GALNTL6: variants seen among roughly 807,000 people sequenced by gnomAD.
GALNTL6 encodes polypeptide N-acetylgalactosaminyltransferase-like 6.
A neutral mutation model predicts 73.7 loss-of-function variants in GALNTL6; 46 were observed. The ratio of observed to expected loss-of-function variants is 0.62; its 90% CI spans 0.49 to 0.80. GALNTL6 has a LOEUF of 0.80. GALNTL6 is among the 30% of genes least tolerant of loss of function. The probability of loss-of-function intolerance (pLI) is 0.00; values close to 1 mark genes in which losing one functional copy is unlikely to be tolerated. For synonymous variants in GALNTL6, 259 were observed against 263.7 expected (o/e 0.98, Z 0.17); for missense variants, 604 against 755.0 (o/e 0.80, Z 2.34).
intron 5 of GALNTL6, among the ~76,000 whole-genome samples, chr4:172,601,902 A>G (rs1009243306): frequency 2.6e-5 from 4 of 152,136 alleles, no homozygotes; most frequent in Non-Finnish European, 5.9e-5. Context: ...CAAATATGAT[A>G]AGCACAAAGA....
rs189085879 is a variant in GALNTL6 at position 172,518,053 on chromosome 4, A to G, written c.553+169364A>G. ...TCAATGTCACATATTCTGCCCCAGTATGCTCACAAAGGCTTTTAAGACTAT... is the reference window on the plus strand; with the variant it reads ...TCAATGTCACATATTCTGCCCCAGTGTGCTCACAAAGGCTTTTAAGACTAT... On this transcript the variant is annotated intron_variant, in intron 5 of 12. Transcript: ENST00000506823. Among the ~76,000 whole-genome samples, 131 of 152,054 alleles carry G rather than the reference A, an allele frequency of 8.6e-4. 3 individuals carry two copies. In the South Asian group the frequency reaches 0.017, roughly 20 times the overall value.
At chr4:172,425,488 A>G (rs187071686) in intron 5 of GALNTL6, among the ~76,000 whole-genome samples, 3 of 152,208 alleles carry the variant, frequency 2.0e-5, no homozygotes, top group Admixed American at 2.0e-4. Context: ...ATATCTTACC[A>G]AAGTACACAC....
At chr4:172,165,854 T>C (rs1473562419) in intron 2 of GALNTL6, among the ~76,000 whole-genome samples, 1 of 152,148 alleles carries the variant, frequency 6.6e-6, no homozygotes, top group Non-Finnish European at 1.5e-5. Context: ...TGCTGCTTCA[T>C]AGGAGTGATC....
intron 2 of GALNTL6, among the ~76,000 whole-genome samples, chr4:172,098,364 GA>G (rs1732417318): frequency 6.6e-6 from 1 of 152,026 alleles, no homozygotes; most frequent in Admixed American, 6.6e-5. Context: ...TGGTGGTATG[GA>G]AAAGAATTAC....
intron 3 of GALNTL6, among the ~76,000 whole-genome samples, chr4:172,304,693 A>G (rs1300744161): frequency 2.0e-5 from 3 of 152,156 alleles, no homozygotes; most frequent in Admixed American, 1.3e-4. Context: ...TCCCCCGGAC[A>G]TAAACCTACT....
intron 5 of GALNTL6, among the ~76,000 whole-genome samples, chr4:172,616,625 G>C (rs1183575165): frequency 7.0e-6 from 1 of 142,662 alleles, no homozygotes; most frequent in African/African-American, 2.7e-5. Context: ...AGTGGGAAAA[G>C]AAGGCTTGGT....
At chr4:172,538,749 G>C (rs531616753) in intron 5 of GALNTL6, among the ~76,000 whole-genome samples, 1 of 152,084 alleles carries the variant, frequency 6.6e-6, no homozygotes, top group Admixed American at 6.5e-5. Flanking sequence ...TCTAAGAATG[G>C]GACTAAAAAT....
intron 5 of GALNTL6, among the ~76,000 whole-genome samples, chr4:172,708,285 T>G (rs1734487362): frequency 6.6e-6 from 1 of 152,194 alleles, no homozygotes; most frequent in South Asian, 2.1e-4. Context: ...CTCAAACCCC[T>G]GACCTCAAGT....
intron 5 of GALNTL6, among the ~76,000 whole-genome samples, chr4:172,731,491 A>T (rs568195893): frequency 6.6e-5 from 10 of 151,944 alleles, no homozygotes; most frequent in Middle Eastern, 3.2e-3. Context: ...TATCTTTTTT[A>T]AAAAACAACC....
At chr4:172,576,539 T>C (rs1260633392) in intron 5 of GALNTL6, among the ~76,000 whole-genome samples, 1 of 152,172 alleles carries the variant, frequency 6.6e-6, no homozygotes, top group Admixed American at 6.5e-5. Flanking sequence ...TCCTGTCTTT[T>C]GCCATTTGTT....
chr4:172,941,082 G>C (rs966923146), intron 9 of GALNTL6, among the ~76,000 whole-genome samples: 2 of 152,098 alleles, frequency 1.3e-5, no homozygotes, highest in African/African-American at 4.8e-5. Flanking sequence ...AAGGAATTTT[G>C]CTTAATTTAA....
chr4:172,840,635 C>T (rs899195377), intron 7 of GALNTL6, among the ~76,000 whole-genome samples: 3 of 152,202 alleles, frequency 2.0e-5, no homozygotes, highest in Admixed American at 6.5e-5. Flanking sequence ...AATGAACAGG[C>T]TTAGAGTTCA....
intron 5 of GALNTL6, among the ~76,000 whole-genome samples, chr4:172,752,705 A>T (rs1000654749): frequency 9.2e-5 from 14 of 152,272 alleles, no homozygotes; most frequent in African/African-American, 3.1e-4. Flanking sequence ...TGAAGATTTT[A>T]AAAAATAATT....
intron 5 of GALNTL6, among the ~76,000 whole-genome samples, chr4:172,518,067 T>A (rs1403822347): frequency 3.3e-5 from 5 of 151,986 alleles, no homozygotes; most frequent in Non-Finnish European, 7.4e-5. Flanking sequence ...TCACAAAGGC[T>A]TTTAAGACTA....
intron 2 of GALNTL6, among the ~76,000 whole-genome samples, chr4:172,027,975 A>C (rs1453471787): frequency 2.0e-5 from 3 of 152,120 alleles, no homozygotes; most frequent in Non-Finnish European, 4.4e-5. Flanking sequence ...GAAAAGTGCA[A>C]AGTATAGCGG....
At chr4:171,836,183 T>C (rs113937338) in intron 2 of GALNTL6, among the ~76,000 whole-genome samples, 17 of 152,078 alleles carry the variant, frequency 1.1e-4, no homozygotes, top group African/African-American at 4.1e-4. Flanking sequence ...GAAAATGGGG[T>C]TGGGCTAGAT....
chr4:172,265,890 G>GA (rs995241361), intron 3 of GALNTL6, among the ~76,000 whole-genome samples: 7 of 150,550 alleles, frequency 4.6e-5, no homozygotes, highest in African/African-American at 1.5e-4. Flanking sequence ...CTCAAAACTG[G>GA]AAAAAAAAAG....
chr4:171,950,380 T>A (rs182887575), intron 2 of GALNTL6, among the ~76,000 whole-genome samples: 1 of 151,922 alleles, frequency 6.6e-6, no homozygotes, highest in East Asian at 1.9e-4. Context: ...AGAGAAAACA[T>A]CAACCTTATA....
At chr4:172,801,005 A>G (rs1424412634) in intron 5 of GALNTL6, among the ~76,000 whole-genome samples, 1 of 152,156 alleles carries the variant, frequency 6.6e-6, no homozygotes, top group Admixed American at 6.5e-5. Flanking sequence ...AATTACAACT[A>G]TTTTTGAAAA....
Sources: gnomAD v4.1 joint callset for allele counts (sites outside exome capture counted in the v4.1 genomes callset) on GRCh38, gnomAD v4.1.1 for gene constraint, MANE v1.5 for transcripts, NCBI Gene and HGNC (gene_info 2026-07-23, HGNC 2026-07-21) for gene names.